CYP3A43: variants seen among roughly 807,000 people sequenced by gnomAD.
CYP3A43 encodes cytochrome P450 3A43.
CYP3A43 carries 45 observed loss-of-function variants against 58.0 expected under a neutral mutation model. That is an observed-to-expected ratio of 0.78 (90% CI 0.61 to 0.99). The LOEUF (loss-of-function observed/expected upper bound fraction) is 0.99, where lower values mean the gene tolerates loss of function less well. CYP3A43 is among the 50% of genes least tolerant of loss of function. CYP3A43 has a pLI of 0.00. For missense variants in CYP3A43, 593 were observed against 591.9 expected (o/e 1.00, Z -0.02); for synonymous variants, 191 against 201.4 (o/e 0.95, Z 0.44).
intron 3 of CYP3A43, among the ~76,000 whole-genome samples, chr7:99,840,912 C>G (rs547434719): frequency 6.6e-6 from 1 of 152,192 alleles, no homozygotes; most frequent in African/African-American, 2.4e-5. Context: ...CTTTTTATCA[C>G]TCTAACCAAT....
Position 99,849,666 on chromosome 7 carries a change from T to G in CYP3A43, c.642T>G (p.Asp214Glu). 1 of 1,609,468 alleles carries G rather than the reference T, an allele frequency of 6.2e-7. No homozygotes were observed. Among genetic ancestry groups the G allele is most frequent in the Non-Finnish European group, 8.5e-7 (1 of 1,178,724 alleles). ...LKNMKKLLKL[D>E]FLDPFLLLIS... ...ATATGAAGAAGCTTTTAAAATTGGA[T>G]TTTTTGGATCCCTTTTTACTCTTAA... Residue 214 changes from aspartate (D) to glutamate (E), a missense_variant, in exon 7 of 13, where the codon GAT (aspartate) becomes GAG (glutamate). Asp to Glu is a conservative substitution (Grantham distance 45). Transcript: ENST00000354829.
rs552453117 is a variant in CYP3A43 at position 99,856,504 on chromosome 7, C to T, written c.799-329C>T. Among the ~76,000 whole-genome samples the T allele has an allele frequency of 1.8e-3, 277 of 152,288 alleles. 1 individual carries two copies. Among genetic ancestry groups the T allele is most frequent in the Non-Finnish European group, 3.4e-3 (229 of 68,028 alleles). On this transcript the variant is annotated intron_variant, in intron 8 of 12. Coordinates refer to ENST00000354829, the MANE Select transcript of CYP3A43 (RefSeq NM_057095.3). The stretch of plus-strand genomic sequence containing the variant: ...TAGGATTGAAATTCAGGACTTCTTC[C>T]TGTTCAAGAAATTATGACTAGAGAA...
intron 1 of CYP3A43, 137 bp from the exon 2 acceptor site, chr7:99,836,316 C>T: frequency 1.5e-6 from 1 of 668,000 alleles, no homozygotes; most frequent in Non-Finnish European, 2.6e-6. Flanking sequence ...TTATTGCCAT[C>T]AGAGTTTCTG....
chr7:99,844,349 C>A, intron 4 of CYP3A43, 107 bp downstream of exon 4: 1 of 997,080 alleles, frequency 1.0e-6, no homozygotes. Flanking sequence ...TATACTTCGT[C>A]CTATTTCCCC....
At chr7:99,829,139 A>T (rs1027355266) in intron 1 of CYP3A43, among the ~76,000 whole-genome samples, 1 of 152,218 alleles carries the variant, frequency 6.6e-6, no homozygotes, top group Admixed American at 6.5e-5. Context: ...GCACATATGC[A>T]TGTAAAATTT....
intron 6 of CYP3A43, 135 bp downstream of exon 6, chr7:99,848,389 C>A: frequency 3.7e-6 from 3 of 821,372 alleles, no homozygotes; most frequent in Non-Finnish European, 3.9e-6. Flanking sequence ...CTCCAATAGG[C>A]CACCCAAGAT....
intron 8 of CYP3A43, 77 bp downstream of exon 8, chr7:99,855,795 A>G (rs1817954261): frequency 6.8e-7 from 1 of 1,466,570 alleles, no homozygotes; most frequent in Non-Finnish European, 9.2e-7. Flanking sequence ...CGATTTGTGC[A>G]CTTATCTGTG....
intron 8 of CYP3A43, among the ~76,000 whole-genome samples, chr7:99,856,309 T>C (rs1311034611): frequency 2.0e-5 from 3 of 152,152 alleles, no homozygotes; most frequent in African/African-American, 4.8e-5. Flanking sequence ...AGCCCGATGA[T>C]GATGCCTCAA....
intron 9 of CYP3A43, among the ~76,000 whole-genome samples, chr7:99,858,660 GTATTATTATTATTATTATTAT>G (rs150747464): frequency 6.9e-4 from 98 of 142,224 alleles, no homozygotes; most frequent in Non-Finnish European, 9.7e-4. Context: ...TCTTCCTGCT[GTATTATTATTATTATTATTAT>G]TATTATTATT....
At chr7:99,858,504 G>A (rs937061721) in intron 9 of CYP3A43, among the ~76,000 whole-genome samples, 2 of 151,872 alleles carry the variant, frequency 1.3e-5, no homozygotes, top group African/African-American at 2.4e-5. Flanking sequence ...AATGCTGTTC[G>A]GTGAGCATGA....
In CYP3A43 at chr7:99,849,584, C is replaced by T. The variant is rs368001388; in HGVS notation, c.560C>T (p.Thr187Ile). 65 of 1,612,502 alleles carry T rather than the reference C, an allele frequency of 4.0e-5. No individual in the cohort carries two copies. The highest frequency in any genetic ancestry group is 1.0e-4 in the Admixed American group (6 of 59,664). ...TACACCATGGATGTAATCACTGGCA[C>T]ATTATTTGGAGTGAACTTGGATTCT... is the stretch of plus-strand genomic sequence containing the variant. Reference protein sequence around the residue: ...GAYTMDVITGTLFGVNLDSLN... With the variant: ...GAYTMDVITGILFGVNLDSLN... The change falls in exon 7 of 13, where the codon ACA becomes ATA. Residue 187 changes from threonine to isoleucine, a missense_variant. By Grantham distance (89) the Thr-to-Ile change is moderately conservative (BLOSUM62 -1). Coordinates refer to ENST00000354829, the MANE Select transcript of CYP3A43 (RefSeq NM_057095.3).
intron 9 of CYP3A43, among the ~76,000 whole-genome samples, chr7:99,858,164 G>C (rs905503671): frequency 5.5e-5 from 6 of 109,810 alleles, no homozygotes; most frequent in African/African-American, 2.1e-4. Flanking sequence ...ACCCTACTGG[G>C]TAGCAGATCT....
At chr7:99,844,121 A>C (rs764333132) in intron 3 of CYP3A43, 22 bp from the exon 4 acceptor site, 2 of 1,593,370 alleles carry the variant, frequency 1.3e-6, no homozygotes, top group Admixed American at 3.5e-5. Flanking sequence ...AGGTTTAGTC[A>C]GCTCTGTTTT....
intron 6 of CYP3A43, 80 bp downstream of exon 6, chr7:99,848,334 G>T: frequency 6.9e-7 from 1 of 1,449,262 alleles, no homozygotes; most frequent in East Asian, 2.4e-5. Flanking sequence ...TCCCACTGTT[G>T]GGTTACTCCA....
At chr7:99,850,425 C>G (rs1046796260) in intron 7 of CYP3A43, among the ~76,000 whole-genome samples, 1 of 151,976 alleles carries the variant, frequency 6.6e-6, no homozygotes, top group African/African-American at 2.4e-5. Flanking sequence ...CCACACCCAA[C>G]TAATTTTTGT....
chr7:99,848,337 T>A, intron 6 of CYP3A43, 83 bp downstream of exon 6: 1 of 1,422,016 alleles, frequency 7.0e-7, no homozygotes. Flanking sequence ...CACTGTTGGG[T>A]TACTCCAGTG....
At chr7:99,860,822 G>T (rs1435351970) in intron 10 of CYP3A43, among the ~76,000 whole-genome samples, 1 of 152,100 alleles carries the variant, frequency 6.6e-6, no homozygotes, top group Non-Finnish European at 1.5e-5. Context: ...GGTTACAAAA[G>T]AACTAGTTTA....
chr7:99,834,071 TA>T (rs1379350276), intron 1 of CYP3A43, among the ~76,000 whole-genome samples: 1 of 152,230 alleles, frequency 6.6e-6, no homozygotes, highest in Admixed American at 6.5e-5. Context: ...AACAATTGGT[TA>T]AATTAAATTT....
At chr7:99,837,535 T>C (rs956987353) in intron 2 of CYP3A43, among the ~76,000 whole-genome samples, 13 of 152,248 alleles carry the variant, frequency 8.5e-5, no homozygotes, top group African/African-American at 3.1e-4. Flanking sequence ...CTGCTGCTTT[T>C]CTTCAAAGGC....
Sources: gnomAD v4.1 joint callset for allele counts (sites outside exome capture counted in the v4.1 genomes callset) on GRCh38, gnomAD v4.1.1 for gene constraint, MANE v1.5 for transcripts, NCBI Gene and HGNC (gene_info 2026-07-23, HGNC 2026-07-21) for gene names.